ADAR: variants seen among roughly 807,000 people sequenced by gnomAD.
The protein encoded by ADAR is double-stranded RNA-specific adenosine deaminase.
Under a neutral mutation model 113.2 loss-of-function variants are expected in ADAR, and 41 were observed. The observed-to-expected ratio is 0.36, with a 90% CI of 0.28 to 0.47. The LOEUF (loss-of-function observed/expected upper bound fraction) is 0.47. ADAR is among the 20% of genes least tolerant of loss of function. The pLI is 1.00. For synonymous variants in ADAR, 605 were observed against 572.6 expected (o/e 1.06, Z -0.81); for missense variants, 1,242 against 1,540.9 (o/e 0.81, Z 3.25).
chr1:154,601,825 C>A lies in ADAR; in HGVS notation c.817G>T (p.Asp273Tyr). 1.2e-6 allele frequency: 2 copies of A among 1,614,240 alleles called. No individual in the cohort carries two copies. The highest frequency in any genetic ancestry group is 1.7e-6 in the Non-Finnish European group (2 of 1,180,042). ...CTGTCTTCAGGTTCCAAACCTGGGTCTGAGTTTGGGGATCCTTGGCTATGA... is the reference window on the plus strand; with the variant it reads ...CTGTCTTCAGGTTCCAAACCTGGGTATGAGTTTGGGGATCCTTGGCTATGA... ...DSHSQGSPNS[D>Y]PGLEPEDSNS... is the part of the protein sequence containing the mutation. The change falls in exon 2 of 15, where the codon GAC becomes TAC. Residue 273 changes from aspartate to tyrosine, a missense_variant. Coordinates refer to ENST00000368474, the MANE Select transcript of ADAR (RefSeq NM_001111.5). This position sits in a 1 kb window ranked among gnomAD's most constrained non-coding sequence, Gnocchi z 4.7.
At position 154,602,418 on chromosome 1, in the gene ADAR, A is replaced by C. The variant is rs886045345; in HGVS notation, c.224T>G (p.Phe75Cys). 17 of 1,608,230 alleles carry C rather than the reference A, an allele frequency of 1.1e-5. No individual in the cohort carries two copies. Among genetic ancestry groups the C allele is most frequent in the Non-Finnish European group, 1.4e-5 (17 of 1,176,532 alleles). Residue 75 changes from phenylalanine to cysteine, a missense_variant, in exon 2 of 15, where the codon TTT becomes TGT. Around this residue, in one of 2 missense-constraint regions of ADAR, gnomAD observed 462 missense variants for 483.1 expected, o/e 0.96. Transcript: ENST00000368474. ...PPSLPGLRPRFPVLLASSTRG... is the reference protein window; with the variant it reads ...PPSLPGLRPRCPVLLASSTRG... ...GGTACTGGAGGCAAGTAGTACTGGAAACCTTGGCCGGAGTCCTGGGAGGGA... is the reference window on the plus strand; with the variant it reads ...GGTACTGGAGGCAAGTAGTACTGGACACCTTGGCCGGAGTCCTGGGAGGGA...
At chr1:154,586,566 A>G (rs537859423) in intron 11 of ADAR, among the ~76,000 whole-genome samples, 1 of 152,350 alleles carries the variant, frequency 6.6e-6, no homozygotes, top group East Asian at 1.9e-4. Flanking sequence ...TTGTGCTCTT[A>G]AAACATCTAT....
intron 1 of ADAR, 24 bp from the exon 2 acceptor site, chr1:154,602,650 A>G: frequency 6.2e-7 from 1 of 1,612,236 alleles, no homozygotes; most frequent in Non-Finnish European, 8.5e-7. Context: ...CAGTGGAAAA[A>G]GAAAATGAAT....
At chr1:154,619,724 A>G (rs899043858) in intron 1 of ADAR, among the ~76,000 whole-genome samples, 2 of 152,250 alleles carry the variant, frequency 1.3e-5, no homozygotes, top group Admixed American at 1.3e-4. Context: ...TGACTAGAAC[A>G]TGTAATAAAA....
chr1:154,590,101 G>A lies in ADAR; in HGVS notation c.2496+83C>T, dbSNP rs752148228. Reference sequence around the variant, plus strand: ...TAAGAGTAAAGCCTAGGAATAACTCGCATGACAGCAAGAGCCACCTCCACT... The same window carrying A: ...TAAGAGTAAAGCCTAGGAATAACTCACATGACAGCAAGAGCCACCTCCACT... On this transcript the variant is annotated intron_variant, in intron 7 of 14. Coordinates refer to ENST00000368474, the MANE Select transcript of ADAR (RefSeq NM_001111.5). 76 of 1,506,940 alleles carry A rather than the reference G, an allele frequency of 5.0e-5. No individual in the cohort carries two copies. In the Admixed American group the frequency reaches 7.1e-4, roughly 14 times the overall value. The allele number at this position is 1,506,940 out of a possible 1,614,324, so 93.3% of individuals were successfully genotyped here. A position where few individuals can be genotyped will look rare whatever the true frequency, so the allele number is the denominator to read the frequency against.
In ADAR at chr1:154,599,755, C is replaced by T. The variant is rs372086291; in HGVS notation, c.1602-1170G>A. ...GCTCCTGTTTTCCTCAATCTGTCCA[C>T]TGGCCTATTAGGACCTACAGTGCAG... On this transcript the variant is annotated intron_variant, in intron 2 of 14. Transcript: ENST00000368474. 3.5e-4 allele frequency among the ~76,000 whole-genome samples: 54 copies of T among 152,360 alleles called. 1 individual carries two copies. In the South Asian group the frequency reaches 0.011, roughly 31 times the overall value.
intron 14 of ADAR, 30 bp downstream of exon 14, chr1:154,585,187 G>C (rs752973159): frequency 5.6e-6 from 9 of 1,614,026 alleles, no homozygotes; most frequent in Middle Eastern, 1.6e-4. Context: ...GCAGAGGCTT[G>C]GTCCTCACTG....
At chr1:154,586,536 A>G (rs1696775476) in intron 11 of ADAR, among the ~76,000 whole-genome samples, 173 bp from the exon 12 acceptor site, 1 of 152,228 alleles carries the variant, frequency 6.6e-6, no homozygotes, top group African/African-American at 2.4e-5. Flanking sequence ...AAGAACGGTG[A>G]GCAAAACCAA....
Position 154,583,431 on chromosome 1 carries a change from C to T in ADAR, c.*1375G>A, listed in dbSNP as rs1696539492. The T allele has an allele frequency of 6.6e-6, 1 of 152,190 alleles. No homozygotes were observed. Among genetic ancestry groups the T allele is most frequent in the Non-Finnish European group, 1.5e-5 (1 of 68,038 alleles). The allele number at this position is 152,190 out of a possible 1,614,324, so 9.4% of individuals were successfully genotyped here. ...AATGCACAGGAGCCAGAGAGCCAGA[C>T]TCCACAGAGAGGCCAAAGGCTCTGA... On this transcript the variant is annotated 3_prime_UTR_variant, in exon 15 of 15. Transcript: ENST00000368474.
chr1:154,588,811 C>A, intron 9 of ADAR, 138 bp from the exon 10 acceptor site: 3 of 1,253,146 alleles, frequency 2.4e-6, no homozygotes, highest in Non-Finnish European at 3.4e-6. Context: ...GGTGGAAATT[C>A]TCCAGGGGAG....
intron 11 of ADAR, among the ~76,000 whole-genome samples, chr1:154,586,880 A>G (rs564183227): frequency 1.3e-5 from 2 of 152,300 alleles, no homozygotes; most frequent in East Asian, 3.9e-4. Context: ...GGAAAGTGGC[A>G]TGAGAGGAGG....
Position 154,601,202 on chromosome 1 carries a change from G to A in ADAR, c.1440C>T (p.Pro480=). The stretch of plus-strand genomic sequence containing the variant: ...GTGGCAAGCCATGACTGTAGAAGGA[G>A]GGCATCTCCATGATGGCTCGAAACT... ...PGEFRAIMEM[P]SFYSHGLPRC... is the part of the protein sequence containing the mutation. Residue 480 remains proline, a synonymous_variant, in exon 2 of 15, where the codon CCC becomes CCT. Transcript: ENST00000368474. The surrounding 1 kb of genome is among the most constrained non-coding windows in gnomAD (Gnocchi z 4.7). 1.2e-6 allele frequency: 2 copies of A among 1,614,206 alleles called. No homozygotes were observed. The highest frequency in any genetic ancestry group is 1.1e-5 in the South Asian group (1 of 91,082).
chr1:154,597,031 C>T, intron 5 of ADAR, 36 bp from the exon 6 acceptor site: 1 of 1,614,066 alleles, frequency 6.2e-7, no homozygotes, highest in Non-Finnish European at 8.5e-7. Context: ...GAGCCATAAA[C>T]ACTTCAGGAA....
intron 7 of ADAR, 90 bp from the exon 8 acceptor site, chr1:154,590,018 C>T (rs1399168115): frequency 3.5e-5 from 54 of 1,551,368 alleles, no homozygotes; most frequent in Non-Finnish European, 4.4e-5. Flanking sequence ...CTCTACTTGT[C>T]GTGTGAGTCA....
In ADAR at chr1:154,585,765, G is replaced by C; in HGVS notation, c.3303C>G (p.Val1101=). The part of the protein sequence containing the change: ...FEDGLRHPFI[V]NHPKVGRVSI... ...GGGGTTATAGCACCTTGGGGTGGTTGACAATAAAGGGATGTCGTAGTCCAT... is the reference window on the plus strand; with the variant it reads ...GGGGTTATAGCACCTTGGGGTGGTTCACAATAAAGGGATGTCGTAGTCCAT... The change falls in exon 13 of 15, where the codon GTC becomes GTG. Residue 1101 remains valine (V), a synonymous_variant. Transcript: ENST00000368474. The C allele has an allele frequency of 6.2e-7, 1 of 1,613,642 alleles. No homozygotes were observed. The highest frequency in any genetic ancestry group is 1.7e-5 in the Admixed American group (1 of 60,020).
intron 1 of ADAR, among the ~76,000 whole-genome samples, chr1:154,606,626 C>T (rs920613370): frequency 6.6e-6 from 1 of 152,122 alleles, no homozygotes; most frequent in Non-Finnish European, 1.5e-5. Flanking sequence ...ATCCCCTAAA[C>T]ACCAAGCCAC....
chr1:154,596,903 G>C lies in ADAR; in HGVS notation c.2172C>G (p.Asn724Lys). 6.2e-7 allele frequency: 1 copy of C among 1,614,184 alleles called. No homozygotes were observed. Among genetic ancestry groups the C allele is most frequent in the South Asian group, 1.1e-5 (1 of 91,080 alleles). Residue 724 changes from asparagine (N) to lysine (K), a missense_variant, in exon 6 of 15, where the codon AAC becomes AAG. Coordinates refer to ENST00000368474, the MANE Select transcript of ADAR (RefSeq NM_001111.5). ...RKIGELVRYL[N>K]TNPVGGLLEY... is the part of the protein sequence containing the mutation. ...CCAAAAGGCCACCCACAGGGTTGGTGTTCAGGTATCTCACGAGCTCGCCAA... is the reference window on the plus strand; with the variant it reads ...CCAAAAGGCCACCCACAGGGTTGGTCTTCAGGTATCTCACGAGCTCGCCAA...
chr1:154,611,184 C>G (rs1698475033), upstream of ADAR, among the ~76,000 whole-genome samples: 1 of 152,144 alleles, frequency 6.6e-6, no homozygotes, highest in Non-Finnish European at 1.5e-5. Flanking sequence ...AGCCTTTACC[C>G]TTCTTCAGAA....
At chr1:154,592,663 G>T (rs546694310) in intron 6 of ADAR, among the ~76,000 whole-genome samples, 1 of 152,092 alleles carries the variant, frequency 6.6e-6, no homozygotes, top group Non-Finnish European at 1.5e-5. Context: ...TGAGCCACTG[G>T]GTAGACAGTG....
Sources: allele counts gnomAD v4.1 joint callset (sites outside exome capture counted in the v4.1 genomes callset), GRCh38; gene constraint gnomAD v4.1.1; regional missense constraint gnomAD v4.1.1; non-coding constraint Gnocchi (gnomAD v3.1); transcripts MANE v1.5; gene names NCBI Gene and HGNC (gene_info 2026-07-23, HGNC 2026-07-21).